The following HDAC9 variants were observed in gnomAD, a reference collection of about 807,000 sequenced individuals.
HDAC9 encodes MEF-2 interacting transcription repressor (MITR) protein.
In HDAC9, 41 loss-of-function variants were observed where a neutral mutation model predicts 139.4. The observed-to-expected ratio is 0.29, with a 90% confidence interval of 0.23 to 0.38. The LOEUF (loss-of-function observed/expected upper bound fraction) is 0.38. Ranked by LOEUF, HDAC9 falls within the 10% of genes least tolerant of loss-of-function variation. The pLI is 1.00. For missense variants in HDAC9, 1,147 were observed against 1,297.0 expected (o/e 0.88, Z 1.78); for synonymous variants, 517 against 476.2 (o/e 1.09, Z -1.12).
chr7:18,746,280 T>C (rs1158831538), intron 13 of HDAC9, among the ~76,000 whole-genome samples: 1 of 152,240 alleles, frequency 6.6e-6, no homozygotes, highest in Non-Finnish European at 1.5e-5. Flanking sequence ...TAAACAGTTC[T>C]TCTTATATAG....
intron 2 of HDAC9, among the ~76,000 whole-genome samples, chr7:18,243,172 A>G (rs1375185092): frequency 1.3e-5 from 2 of 152,170 alleles, no homozygotes; most frequent in Non-Finnish European, 2.9e-5. Context: ...TTTCTGTATT[A>G]CTAGTGTAAA....
intron 6 of HDAC9, among the ~76,000 whole-genome samples, chr7:18,621,816 T>C (rs1311084400): frequency 6.6e-6 from 1 of 152,204 alleles, no homozygotes; most frequent in Admixed American, 6.5e-5. Context: ...TATGTACCTT[T>C]TGTATAATTA....
At chr7:18,841,420 A>G (rs891040248) in intron 21 of HDAC9, among the ~76,000 whole-genome samples, 1 of 152,118 alleles carries the variant, frequency 6.6e-6, no homozygotes, top group African/African-American at 2.4e-5. Context: ...AATATAGAGT[A>G]TTCGTTGAGG....
intron 2 of HDAC9, among the ~76,000 whole-genome samples, chr7:18,525,073 A>G (rs563891080): frequency 6.6e-6 from 1 of 152,276 alleles, no homozygotes; most frequent in African/African-American, 2.4e-5. Flanking sequence ...GCTATTCATT[A>G]CAAACTAGAA....
intron 2 of HDAC9, among the ~76,000 whole-genome samples, chr7:18,212,167 G>A (rs1370618453): frequency 6.6e-6 from 1 of 152,070 alleles, no homozygotes; most frequent in African/African-American, 2.4e-5. Context: ...ATGATAAACA[G>A]GATGATGAAT....
intron 20 of HDAC9, 62 bp from the exon 21 acceptor site, chr7:18,835,838 C>A: frequency 8.4e-7 from 1 of 1,192,540 alleles, no homozygotes; most frequent in Non-Finnish European, 1.2e-6. Context: ...GTTTTCCTCT[C>A]TTCTTGCTTT....
intron 2 of HDAC9, among the ~76,000 whole-genome samples, chr7:18,219,943 G>C (rs1792577458): frequency 6.6e-6 from 1 of 152,086 alleles, no homozygotes; most frequent in Non-Finnish European, 1.5e-5. Context: ...TGTGGCTTTG[G>C]TCCTTTCAGC....
At chr7:18,210,764 A>T (rs1791883742) in intron 2 of HDAC9, among the ~76,000 whole-genome samples, 1 of 152,220 alleles carries the variant, frequency 6.6e-6, no homozygotes, top group South Asian at 2.1e-4. Flanking sequence ...TTATAAAATG[A>T]CAAATTTTAT....
At chr7:18,585,628 A>T in intron 3 of HDAC9, 106 bp downstream of exon 3, 1 of 1,332,408 alleles carries the variant, frequency 7.5e-7, no homozygotes, top group Non-Finnish European at 1.0e-6. Flanking sequence ...TGTGATTAAG[A>T]CATGGATATA....
At chr7:18,496,163 C>G (rs571925570) in intron 1 of HDAC9, 99 bp from the exon 2 acceptor site, 7 of 1,433,402 alleles carry the variant, frequency 4.9e-6, no homozygotes, top group Non-Finnish European at 5.8e-6. Context: ...CTCCTGGGGC[C>G]GGTGCACTGA....
At chr7:18,903,066 G>A (rs2129282464) in intron 22 of HDAC9, among the ~76,000 whole-genome samples, 1 of 152,340 alleles carries the variant, frequency 6.6e-6, no homozygotes, top group South Asian at 2.1e-4. Flanking sequence ...TTTCTTGCAT[G>A]AGCAATTTGA....
At chr7:18,822,974 TTTTA>T (rs1235781360) in intron 17 of HDAC9, among the ~76,000 whole-genome samples, 7 of 152,386 alleles carry the variant, frequency 4.6e-5, no homozygotes, top group South Asian at 2.1e-4. Flanking sequence ...GATATAATAC[TTTTA>T]TTTGTCATTT....
chr7:18,811,269 T>A (rs1794155110), intron 17 of HDAC9, among the ~76,000 whole-genome samples: 1 of 151,464 alleles, frequency 6.6e-6, no homozygotes, highest in Non-Finnish European at 1.5e-5. Flanking sequence ...ATTATTTCTC[T>A]TTTTTCTCCA....
chr7:18,992,952 C>G (rs1430607924), intron 25 of HDAC9, among the ~76,000 whole-genome samples: 1 of 152,180 alleles, frequency 6.6e-6, no homozygotes, highest in Non-Finnish European at 1.5e-5. Context: ...TTTCCTTCCC[C>G]CAGCTTGTGT....
intron 6 of HDAC9, among the ~76,000 whole-genome samples, chr7:18,615,673 A>G (rs371557914): frequency 1.3e-5 from 2 of 152,190 alleles, no homozygotes; most frequent in African/African-American, 4.8e-5. Flanking sequence ...TATATCATTA[A>G]TACTACTCTT....
chr7:18,507,752 T>C (rs749057299), intron 2 of HDAC9, among the ~76,000 whole-genome samples: 13 of 152,320 alleles, frequency 8.5e-5, no homozygotes, highest in African/African-American at 2.9e-4. Context: ...TGGCCTCCCA[T>C]GTTTTTAAAA....
chr7:18,733,127 A>ATATG, intron 13 of HDAC9, among the ~76,000 whole-genome samples: 1 of 145,190 alleles, frequency 6.9e-6, no homozygotes, highest in South Asian at 2.1e-4. Flanking sequence ...GTATACATGT[A>ATATG]TATATATACA....
At chr7:18,142,581 T>A (rs1785984586) in intron 1 of HDAC9, among the ~76,000 whole-genome samples, 1 of 152,198 alleles carries the variant, frequency 6.6e-6, no homozygotes, top group African/African-American at 2.4e-5. Flanking sequence ...ATTAGAGTTT[T>A]GTTAATTCCC....
intron 13 of HDAC9, among the ~76,000 whole-genome samples, chr7:18,741,215 T>G (rs549743980): frequency 6.6e-6 from 1 of 152,282 alleles, no homozygotes; most frequent in South Asian, 2.1e-4. Flanking sequence ...GAAGAAGAGA[T>G]AGAGAGAAAA....
Sources: gnomAD v4.1 joint callset for allele counts (sites outside exome capture counted in the v4.1 genomes callset) on GRCh38, gnomAD v4.1.1 for gene constraint, MANE v1.5 for transcripts, NCBI Gene and HGNC (gene_info 2026-07-23, HGNC 2026-07-21) for gene names.